The following WDR7 variants were observed in gnomAD, a reference collection of about 807,000 sequenced individuals.
The protein encoded by WDR7 is WD repeat domain 7.
WDR7 carries 46 observed loss-of-function variants against 169.4 expected under a neutral mutation model. That is an observed-to-expected ratio of 0.27 (90% CI 0.21 to 0.35). WDR7 has a LOEUF of 0.35. Among genes scored for constraint, WDR7 ranks in the 10% least tolerant of loss-of-function variants. The pLI is 1.00. For synonymous variants in WDR7, 612 were observed against 666.8 expected (o/e 0.92, Z 1.27); for missense variants, 1,534 against 1,859.3 (o/e 0.83, Z 3.22).
At chr18:57,030,370 C>T (rs775760593), downstream of WDR7, 4 of 152,174 alleles carry the variant, frequency 2.6e-5, no homozygotes, top group Non-Finnish European at 2.9e-5. Flanking sequence ...TGTAAGAATT[C>T]GGTGAACATT....
At chr18:56,753,688 T>G (rs1369413417) in intron 14 of WDR7, among the ~76,000 whole-genome samples, 9 of 150,430 alleles carry the variant, frequency 6.0e-5, no homozygotes, top group South Asian at 2.1e-4. Flanking sequence ...TATACATATA[T>G]TTGTGGAATA....
intron 21 of WDR7, among the ~76,000 whole-genome samples, chr18:56,918,476 A>G (rs2046660532): frequency 6.6e-6 from 1 of 152,166 alleles, no homozygotes; most frequent in Non-Finnish European, 1.5e-5. Flanking sequence ...TAAAAATAAA[A>G]TGTGAGGGCA....
intron 20 of WDR7, among the ~76,000 whole-genome samples, chr18:56,855,890 T>C (rs1299243896): frequency 6.6e-6 from 1 of 152,162 alleles, no homozygotes; most frequent in Non-Finnish European, 1.5e-5. Context: ...TAAAACTCAC[T>C]GCTCTCAGAG....
At chr18:56,905,944 C>A (rs1199994665) in intron 21 of WDR7, among the ~76,000 whole-genome samples, 1 of 152,000 alleles carries the variant, frequency 6.6e-6, no homozygotes, top group East Asian at 1.9e-4. Flanking sequence ...TACACATGTA[C>A]CTCAGCATAA....
chr18:56,841,405 G>A (rs922665415), intron 20 of WDR7, among the ~76,000 whole-genome samples: 1 of 151,812 alleles, frequency 6.6e-6, no homozygotes, highest in South Asian at 2.1e-4. Context: ...TTAGCTGGGC[G>A]TGGTAGTGTG....
At position 56,699,011 on chromosome 18, in the gene WDR7, C is replaced by T. The variant is rs572936590; in HGVS notation, c.1578+2549C>T. ...CCTGTATAACAAACCTGTGCATGTA[C>T]CCCTGAACTTAAAATGAAAGTTAAA... On this transcript the variant is annotated intron_variant, in intron 12 of 27. Coordinates refer to ENST00000254442, the MANE Select transcript of WDR7 (RefSeq NM_015285.3). 6.6e-5 allele frequency among the ~76,000 whole-genome samples: 10 copies of T among 151,814 alleles called. No homozygotes were observed. In the South Asian group the frequency reaches 2.1e-3, roughly 32 times the overall value.
chr18:56,922,606 G>A (rs2046742795), intron 21 of WDR7, among the ~76,000 whole-genome samples: 1 of 152,104 alleles, frequency 6.6e-6, no homozygotes, highest in African/African-American at 2.4e-5. Context: ...TACAATCCAT[G>A]GCCGCCTTGA....
intron 19 of WDR7, among the ~76,000 whole-genome samples, chr18:56,810,715 A>C (rs773298632): frequency 4.6e-5 from 7 of 152,146 alleles, no homozygotes; most frequent in Non-Finnish European, 8.8e-5. Context: ...GAGTACACTG[A>C]GGTGGCATGG....
At chr18:56,719,569 A>AAACAACAACAACAAAAAAACAAACAAAC in intron 13 of WDR7, among the ~76,000 whole-genome samples, 1 of 152,086 alleles carries the variant, frequency 6.6e-6, no homozygotes, top group South Asian at 2.1e-4. Flanking sequence ...CTCAAAAAAA[A>AAACAACAACAACAAAAAAACAAACAAAC]AAAAAAAAAA....
Position 56,980,062 on chromosome 18 carries a change from A to G in WDR7, c.4164+17533A>G, listed in dbSNP as rs575312940. On this transcript the variant is annotated intron_variant, in intron 26 of 27. Transcript: ENST00000254442. ...CTCCTCTAAGTGTCCTCTACCCACAATGGCAATTACACATGCTCCAGAGCA... is the reference window on the plus strand; with the variant it reads ...CTCCTCTAAGTGTCCTCTACCCACAGTGGCAATTACACATGCTCCAGAGCA... 5.3e-5 allele frequency among the ~76,000 whole-genome samples: 8 copies of G among 152,294 alleles called. No homozygotes were observed. The East Asian group carries it at 1.2e-3, about 22-fold the overall frequency.
intron 21 of WDR7, among the ~76,000 whole-genome samples, chr18:56,884,715 T>A (rs911131488): frequency 6.6e-6 from 1 of 152,178 alleles, no homozygotes; most frequent in African/African-American, 2.4e-5. Context: ...CCTGCCCTGA[T>A]AGCAAAGACA....
chr18:57,024,983 A>T (rs2048346792), intron 27 of WDR7, among the ~76,000 whole-genome samples: 1 of 152,184 alleles, frequency 6.6e-6, no homozygotes, highest in Admixed American at 6.5e-5. Context: ...AAAGGCATTT[A>T]TCAAAGTAGG....
At chr18:56,663,594 AACAC>A in intron 1 of WDR7, among the ~76,000 whole-genome samples, 1 of 151,966 alleles carries the variant, frequency 6.6e-6, no homozygotes, top group African/African-American at 2.4e-5. Flanking sequence ...ACTTTTTAAA[AACAC>A]ACATATATGC....
At chr18:56,676,087 T>C (rs532064305) in intron 2 of WDR7, among the ~76,000 whole-genome samples, 1 of 152,326 alleles carries the variant, frequency 6.6e-6, no homozygotes, top group Non-Finnish European at 1.5e-5. Context: ...AAAATTGTTA[T>C]ACCCTCTTGC....
intron 13 of WDR7, among the ~76,000 whole-genome samples, chr18:56,726,583 T>C (rs1269811508): frequency 3.9e-5 from 6 of 152,170 alleles, no homozygotes; most frequent in African/African-American, 1.4e-4. Context: ...AGATATACAA[T>C]CATGTCATCT....
chr18:56,948,017 G>A (rs893808469), intron 25 of WDR7, among the ~76,000 whole-genome samples: 9 of 152,014 alleles, frequency 5.9e-5, no homozygotes, highest in African/African-American at 1.9e-4. Flanking sequence ...GTGGCGTAAT[G>A]CATGACAAAT....
At chr18:56,905,670 A>C (rs921004787) in intron 21 of WDR7, among the ~76,000 whole-genome samples, 11 of 151,338 alleles carry the variant, frequency 7.3e-5, no homozygotes, top group Non-Finnish European at 1.6e-4. Context: ...GTGCTAAAAG[A>C]AATGTAATTT....
chr18:57,002,215 C>T (rs2047992103), intron 26 of WDR7, among the ~76,000 whole-genome samples: 1 of 152,036 alleles, frequency 6.6e-6, no homozygotes, highest in African/African-American at 2.4e-5. Flanking sequence ...CGAACCCAGA[C>T]TAGAAATCTT....
At chr18:56,757,741 G>A (rs1362427629) in intron 15 of WDR7, among the ~76,000 whole-genome samples, 2 of 152,112 alleles carry the variant, frequency 1.3e-5, no homozygotes. Flanking sequence ...GGAGGCTGAG[G>A]CAGGAGGATC....
Sources: allele counts gnomAD v4.1 joint callset (sites outside exome capture counted in the v4.1 genomes callset), GRCh38; gene constraint gnomAD v4.1.1; transcripts MANE v1.5; gene names NCBI Gene and HGNC (gene_info 2026-07-23, HGNC 2026-07-21).